The following KIF21A variants were observed in gnomAD, a reference collection of about 807,000 sequenced individuals.
KIF21A encodes the protein kinesin family member 21A, also known as kinesin-like protein KIF21A.
KIF21A carries 114 observed loss-of-function variants against 202.9 expected under a neutral mutation model. The ratio of observed to expected loss-of-function variants is 0.56; its 90% CI spans 0.48 to 0.66. The LOEUF (loss-of-function observed/expected upper bound fraction) is 0.66, where lower values mean the gene tolerates loss of function less well. Ranked by LOEUF, KIF21A falls within the 30% of genes least tolerant of loss-of-function variation. The probability of loss-of-function intolerance (pLI) is 0.00; values close to 1 mark genes in which losing one functional copy is unlikely to be tolerated. For synonymous variants in KIF21A, 667 were observed against 670.8 expected, an observed-to-expected ratio of 0.99 and a Z score of 0.09; for missense variants, 1,677 against 1,994.9, an observed-to-expected ratio of 0.84 and a Z score of 3.04.
chr12:39,305,533 C>T (rs1943388845), intron 34 of KIF21A, among the ~76,000 whole-genome samples: 1 of 152,068 alleles, frequency 6.6e-6, no homozygotes, highest in Admixed American at 6.6e-5. Flanking sequence ...TATAGGTGTG[C>T]ATCACCAGCT....
intron 1 of KIF21A, among the ~76,000 whole-genome samples, chr12:39,430,596 T>A (rs996730825): frequency 5.3e-5 from 8 of 151,776 alleles, no homozygotes; most frequent in Admixed American, 1.3e-4. Flanking sequence ...AAGAAACATA[T>A]CAATTTATTT....
chr12:39,341,390 G>A lies in KIF21A; in HGVS notation c.1921+115C>T, dbSNP rs531562720. On this transcript the variant is annotated intron_variant, in intron 14 of 37. Coordinates refer to ENST00000361418, the MANE Select transcript of KIF21A (RefSeq NM_001173464.2). ...AGCCTTGGAAGGCAAATGTAGGTCA[G>A]TGGTCACAGAAGTTTCTTTCATCAA... 1.6e-4 allele frequency: 159 copies of A among 987,302 alleles called. 4 individuals are homozygous for A. The South Asian group carries it at 2.3e-3, about 14-fold the overall frequency. The allele number at this position is 987,302 out of a possible 1,614,324, so 61.2% of individuals were successfully genotyped here. A position where few individuals can be genotyped will look rare whatever the true frequency, so the allele number is the denominator to read the frequency against.
rs918817043 is a variant in KIF21A at position 39,367,167 on chromosome 12, G to A, written c.601-3C>T. The A allele has an allele frequency of 6.2e-7, 1 of 1,613,604 alleles. No homozygotes were observed. Among genetic ancestry groups the A allele is most frequent in the Non-Finnish European group, 8.5e-7 (1 of 1,179,738 alleles). ...CCCAACTTCAAACACTGCATCATCT[G>A]AAAAAGGGGAAGAAACAAGGACTTT... is the stretch of plus-strand genomic sequence containing the variant. On this transcript the variant is annotated splice_region_variant and splice_polypyrimidine_tract_variant and intron_variant, in intron 4 of 37. Coordinates refer to ENST00000361418, the MANE Select transcript of KIF21A (RefSeq NM_001173464.2).
intron 29 of KIF21A, 145 bp from the exon 30 acceptor site, chr12:39,316,115 T>C: frequency 1.4e-6 from 1 of 712,540 alleles, no homozygotes; most frequent in Non-Finnish European, 2.6e-6. Context: ...CTACTTGCAC[T>C]GGATATTAGC....
At chr12:39,423,346 A>C (rs1230842044) in intron 1 of KIF21A, among the ~76,000 whole-genome samples, 1 of 151,690 alleles carries the variant, frequency 6.6e-6, no homozygotes, top group African/African-American at 2.4e-5. Context: ...AAGCACATGT[A>C]AGGATAGACC....
intron 8 of KIF21A, 139 bp from the exon 9 acceptor site, chr12:39,357,576 T>A: frequency 1.4e-6 from 1 of 727,158 alleles, no homozygotes; most frequent in East Asian, 2.7e-5. Context: ...AAGAAATCCT[T>A]TCACCTCTAG....
rs779089214 is a variant in KIF21A, at chr12:39,304,907, G to A, written c.4474C>T (p.Leu1492=). 22 of 1,599,436 alleles carry A rather than the reference G, an allele frequency of 1.4e-5. No individual in the cohort carries two copies. In the Middle Eastern group the frequency reaches 5.0e-4, roughly 36 times the overall value. ...ACAGTAAGGCACATAACAGGGCCTA[G>A]GTGTCCTGTTAACTTTCCTGTAGAC... ...FQSTGKLTGH[L]GPVMCLTVDQ... Residue 1492 remains leucine, a synonymous_variant, in exon 35 of 38, where the codon CTA becomes TTA. Transcript: ENST00000361418.
At chr12:39,368,436 C>T (rs1182777902) in intron 3 of KIF21A, among the ~76,000 whole-genome samples, 1 of 151,988 alleles carries the variant, frequency 6.6e-6, no homozygotes, top group East Asian at 1.9e-4. Context: ...GCCCTGAAAC[C>T]TTTCTTAACG....
At position 39,317,980 on chromosome 12, in the gene KIF21A, C is replaced by T. The variant is rs113171771; in HGVS notation, c.3908+93G>A. ...GAGTTCACACGTCAGGCTCCATCTC[C>T]TACACAGAGATGACTACATGTTTTC... On this transcript the variant is annotated intron_variant, in intron 29 of 37. Coordinates refer to ENST00000361418, the MANE Select transcript of KIF21A (RefSeq NM_001173464.2). 1.1e-4 allele frequency: 147 copies of T among 1,296,978 alleles called. No homozygotes were observed. The African/African-American group carries it at 1.9e-3, about 17-fold the overall frequency. The allele number at this position is 1,296,978 out of a possible 1,614,324, so 80.3% of individuals were successfully genotyped here. A position where few individuals can be genotyped will look rare whatever the true frequency, so the allele number is the denominator to read the frequency against.
intron 1 of KIF21A, among the ~76,000 whole-genome samples, chr12:39,401,172 G>GAATC (rs1485236887): frequency 2.0e-5 from 3 of 152,044 alleles, no homozygotes; most frequent in African/African-American, 7.2e-5. Context: ...CCACAAAAGA[G>GAATC]AATCATAAGT....
intron 15 of KIF21A, 42 bp downstream of exon 15, chr12:39,340,864 G>T: frequency 7.2e-7 from 1 of 1,393,300 alleles, no homozygotes; most frequent in Non-Finnish European, 1.0e-6. Context: ...CCATTTTGAA[G>T]ATTTAGCTTG....
intron 21 of KIF21A, 47 bp downstream of exon 21, chr12:39,332,166 CA>C: frequency 6.5e-7 from 1 of 1,534,084 alleles, no homozygotes; most frequent in Non-Finnish European, 9.0e-7. Context: ...ATAAACAATA[CA>C]AAAGTACTTT....
intron 1 of KIF21A, among the ~76,000 whole-genome samples, chr12:39,398,826 T>A (rs1951949158): frequency 6.6e-6 from 1 of 151,938 alleles, no homozygotes; most frequent in Non-Finnish European, 1.5e-5. Flanking sequence ...GCCCTCTATA[T>A]CCCCAGGTTC....
intron 7 of KIF21A, among the ~76,000 whole-genome samples, chr12:39,362,869 C>T (rs1949336968): frequency 6.6e-6 from 1 of 152,114 alleles, no homozygotes; most frequent in African/African-American, 2.4e-5. Context: ...AGATTCATTT[C>T]CCTTATCTAG....
chr12:39,374,671 G>C (rs549092062), intron 1 of KIF21A, among the ~76,000 whole-genome samples: 3 of 152,180 alleles, frequency 2.0e-5, no homozygotes, highest in African/African-American at 7.2e-5. Context: ...AAAAAAAAGA[G>C]TATTTTAATG....
chr12:39,366,815 A>G (rs1294763110), intron 5 of KIF21A, among the ~76,000 whole-genome samples: 1 of 152,234 alleles, frequency 6.6e-6, no homozygotes, highest in African/African-American at 2.4e-5. Context: ...ACATATGGCC[A>G]CAGCATGCTT....
intron 24 of KIF21A, among the ~76,000 whole-genome samples, chr12:39,328,225 GC>G (rs1946147211): frequency 6.6e-6 from 1 of 151,962 alleles, no homozygotes; most frequent in African/African-American, 2.4e-5. Context: ...CTGAACACTT[GC>G]TTTCCTTCTG....
rs765029629 is a variant in KIF21A, at chr12:39,301,536, A to G, written c.4875T>C (p.His1625=). 4.8e-5 allele frequency: 78 copies of G among 1,614,070 alleles called. No individual in the cohort carries two copies. The highest frequency in any genetic ancestry group is 6.2e-5 in the Non-Finnish European group (73 of 1,180,012). ...TFMPVGEMKG[H]DSPINAICVN... Reference sequence around the variant, plus strand: ...CACATATGGCATTGATAGGACTATCATGACCCTTCATCTCTCCCACTGGCA... The same window carrying G: ...CACATATGGCATTGATAGGACTATCGTGACCCTTCATCTCTCCCACTGGCA... Residue 1625 remains histidine (H), a synonymous_variant, in exon 37 of 38, where the codon CAT becomes CAC. Coordinates refer to ENST00000361418, the MANE Select transcript of KIF21A (RefSeq NM_001173464.2).
chr12:39,380,275 G>A (rs900645363), intron 1 of KIF21A, among the ~76,000 whole-genome samples: 1 of 151,956 alleles, frequency 6.6e-6, no homozygotes, highest in African/African-American at 2.4e-5. Context: ...GCCTAACAAC[G>A]CTTTTTTAAA....
Sources: gnomAD v4.1 joint callset for allele counts (sites outside exome capture counted in the v4.1 genomes callset) on GRCh38, gnomAD v4.1.1 for gene constraint, MANE v1.5 for transcripts, NCBI Gene and HGNC (gene_info 2026-07-23, HGNC 2026-07-21) for gene names.